Variants in CUX1 observed in about 807,000 individuals in gnomAD.
CUX1 encodes the protein cut like homeobox 1, also known as protein CASP.
A neutral mutation model predicts 158.8 loss-of-function variants in CUX1; 31 were observed. The ratio of observed to expected loss-of-function variants is 0.20; its 90% CI spans 0.15 to 0.26. CUX1 has a LOEUF of 0.26. Ranked by LOEUF, CUX1 falls within the 10% of genes least tolerant of loss-of-function variation. CUX1 has a pLI of 1.00. For missense variants in CUX1, 1,589 were observed against 2,014.6 expected, an observed-to-expected ratio of 0.79 and a Z score of 4.04; for synonymous variants, 879 against 862.1, an observed-to-expected ratio of 1.02 and a Z score of -0.34.
Position 102,227,460 on chromosome 7 carries a change from A to G in CUX1, c.3224A>G (p.Gln1075Arg). 1 of 1,614,092 alleles carries G rather than the reference A, an allele frequency of 6.2e-7. No homozygotes were observed. The highest frequency in any genetic ancestry group is 1.1e-5 in the South Asian group (1 of 91,080). The change falls in exon 21 of 24, where the codon CAG (glutamine) becomes CGG (arginine). Residue 1075 changes from glutamine (Q) to arginine (R), a missense_variant. Gln to Arg is a conservative substitution (Grantham distance 43). Around this residue, in one of 8 missense-constraint regions of CUX1, gnomAD observed 259 missense variants for 373.8 expected, o/e 0.69. Coordinates refer to ENST00000292535, the MANE Select transcript of CUX1 (RefSeq NM_181552.4). Reference protein sequence around the residue: ...ESVKSLTELVQQPCPPIEASK... With the variant: ...ESVKSLTELVRQPCPPIEASK... ...GTGAAGAGCCTGACCGAGCTGGTCC[A>G]GCAGCCCTGTCCCCCCATCGAGGCG... is the stretch of plus-strand genomic sequence containing the variant.
rs568852725 is a variant in CUX1, at chr7:101,916,048, A to G, written c.31-67A>G. The G allele has an allele frequency of 5.2e-6, 6 of 1,143,236 alleles. No individual in the cohort carries two copies. In the South Asian group the frequency reaches 7.4e-5, roughly 14 times the overall value. The allele number at this position is 1,143,236 out of a possible 1,614,324, so 70.8% of individuals were successfully genotyped here. Reference sequence around the variant, plus strand: ...TCCCCCAGTGTTCTGGTCAAATGCAAATAGGACCCTCCTCTAGTACACAGT... The same window carrying G: ...TCCCCCAGTGTTCTGGTCAAATGCAGATAGGACCCTCCTCTAGTACACAGT... On this transcript the variant is annotated intron_variant, in intron 1 of 23. Coordinates refer to ENST00000292535, the MANE Select transcript of CUX1 (RefSeq NM_181552.4). The surrounding 1 kb of genome is among the most constrained non-coding windows in gnomAD (Gnocchi z 4.4).
chr7:102,276,325 C>A (rs1734741), intron 17 of CUX1, among the ~76,000 whole-genome samples: 4 of 152,214 alleles, frequency 2.6e-5, no homozygotes, highest in African/African-American at 9.6e-5. Context: ...TTTTTGAGAC[C>A]GAGTCCCGCT....
chr7:102,020,875 G>C (rs28457776), intron 2 of CUX1, among the ~76,000 whole-genome samples: 39,702 of 149,550 alleles, frequency 0.27, 5,684 homozygotes, highest in Non-Finnish European at 0.31. Context: ...AGCAAAACTC[G>C]GTTTGGAAAA....
chr7:102,015,387 C>T (rs1170872511), intron 2 of CUX1, among the ~76,000 whole-genome samples: 3 of 152,020 alleles, frequency 2.0e-5, no homozygotes, highest in Admixed American at 2.0e-4. Flanking sequence ...ACCACCATGC[C>T]CAGCTAATTT....
intron 1 of CUX1, among the ~76,000 whole-genome samples, chr7:101,828,853 G>A (rs1210072735): frequency 2.0e-5 from 3 of 152,162 alleles, no homozygotes; most frequent in Admixed American, 6.5e-5. Flanking sequence ...GGCCCATTGC[G>A]GGTGGCTGAT....
chr7:102,161,256 G>A (rs1585979163), intron 9 of CUX1: 1 of 152,338 alleles, frequency 6.6e-6, no homozygotes, highest in South Asian at 2.1e-4. Flanking sequence ...GCTGAGGCAG[G>A]AGGATCGCTT....
intron 12 of CUX1, among the ~76,000 whole-genome samples, chr7:102,190,259 G>T (rs1219036393): frequency 6.6e-6 from 1 of 152,192 alleles, no homozygotes; most frequent in Non-Finnish European, 1.5e-5. Flanking sequence ...GCCTCACGCT[G>T]CCCCGGCCTC....
chr7:101,923,230 C>G (rs1468588807), intron 2 of CUX1, among the ~76,000 whole-genome samples: 1 of 152,170 alleles, frequency 6.6e-6, no homozygotes, highest in Non-Finnish European at 1.5e-5. Flanking sequence ...CGACATCGGC[C>G]TGGCTTCAGG....
chr7:102,181,121 A>G (rs1395773644), intron 11 of CUX1, among the ~76,000 whole-genome samples: 1 of 151,670 alleles, frequency 6.6e-6, no homozygotes, highest in Non-Finnish European at 1.5e-5. Context: ...TTGTATTTTT[A>G]GTAGAGATGG....
intron 8 of CUX1, among the ~76,000 whole-genome samples, chr7:102,135,741 AAGGC>A (rs2131350662): frequency 6.6e-6 from 1 of 152,232 alleles, no homozygotes; most frequent in South Asian, 2.1e-4. Context: ...TTGGGAGGCC[AAGGC>A]AGGCGGATCA....
At chr7:102,140,234 T>G (rs533181557) in intron 8 of CUX1, among the ~76,000 whole-genome samples, 21 of 152,122 alleles carry the variant, frequency 1.4e-4, no homozygotes, top group Admixed American at 9.8e-4. Context: ...GGGTTTGTTT[T>G]TTTGTTTGTT....
intron 4 of CUX1, among the ~76,000 whole-genome samples, chr7:102,072,788 T>C (rs1826270979): frequency 3.3e-5 from 5 of 152,184 alleles, no homozygotes; most frequent in Admixed American, 3.3e-4. Context: ...CGGGCATCAC[T>C]GGCATTTTCT....
intron 8 of CUX1, among the ~76,000 whole-genome samples, chr7:102,118,695 G>A (rs1585760199): frequency 1.3e-5 from 2 of 152,148 alleles, no homozygotes; most frequent in African/African-American, 4.8e-5. Flanking sequence ...CTCCCTTTCT[G>A]ACCTGTACAA....
intron 1 of CUX1, among the ~76,000 whole-genome samples, chr7:101,831,466 A>G (rs1794000312): frequency 2.0e-5 from 3 of 151,802 alleles, no homozygotes; most frequent in Non-Finnish European, 2.9e-5. Context: ...AATTTTCTGT[A>G]TTTTTAGTAG....
intron 1 of CUX1, among the ~76,000 whole-genome samples, chr7:101,877,749 C>T (rs1799295347): frequency 1.4e-5 from 2 of 141,458 alleles, no homozygotes; most frequent in Admixed American, 1.5e-4. Context: ...CATTAAAATC[C>T]CTCCAATTGT....
intron 2 of CUX1, among the ~76,000 whole-genome samples, chr7:101,984,294 C>T (rs1303549573): frequency 6.7e-6 from 1 of 149,524 alleles, no homozygotes; most frequent in Non-Finnish European, 1.5e-5. Flanking sequence ...CATGGGTGTG[C>T]CTCCTATGGA....
At chr7:101,950,244 A>C (rs1055425982) in intron 2 of CUX1, among the ~76,000 whole-genome samples, 19 of 152,096 alleles carry the variant, frequency 1.2e-4, no homozygotes, top group African/African-American at 4.6e-4. Flanking sequence ...TCCTGATCTC[A>C]GGTGATCCGC....
intron 3 of CUX1, among the ~76,000 whole-genome samples, chr7:102,032,358 T>C (rs1372875648): frequency 1.3e-5 from 2 of 151,868 alleles, no homozygotes; most frequent in Admixed American, 6.6e-5. Context: ...GCCCAGGAGA[T>C]CGAGACCAGC....
chr7:101,981,512 C>T (rs1417521599), intron 2 of CUX1, among the ~76,000 whole-genome samples: 3 of 152,168 alleles, frequency 2.0e-5, no homozygotes, highest in African/African-American at 2.4e-5. Context: ...TGAGTCTTAG[C>T]CACTCTCTTT....
Sources: allele counts gnomAD v4.1 joint callset (sites outside exome capture counted in the v4.1 genomes callset), GRCh38; gene constraint gnomAD v4.1.1; regional missense constraint gnomAD v4.1.1; non-coding constraint Gnocchi (gnomAD v3.1); transcripts MANE v1.5; gene names NCBI Gene and HGNC (gene_info 2026-07-23, HGNC 2026-07-21).